The following SEPTIN9 variants were observed in gnomAD, a reference collection of about 807,000 sequenced individuals.
SEPTIN9 encodes the protein septin-9.
SEPTIN9 carries 13 observed loss-of-function variants against 56.6 expected under a neutral mutation model. The ratio of observed to expected loss-of-function variants is 0.23; its 90% CI spans 0.15 to 0.37. SEPTIN9 has a LOEUF of 0.37. Ranked by LOEUF, SEPTIN9 falls within the 10% of genes least tolerant of loss-of-function variation. SEPTIN9 has a pLI of 1.00. For synonymous variants in SEPTIN9, 332 were observed against 334.1 expected (o/e 0.99, Z 0.07); for missense variants, 650 against 823.1 (o/e 0.79, Z 2.57).
At chr17:77,290,178 A>G (rs1171927330) in intron 1 of SEPTIN9, among the ~76,000 whole-genome samples, 1 of 151,962 alleles carries the variant, frequency 6.6e-6, no homozygotes, top group African/African-American at 2.4e-5. Flanking sequence ...AAGATGTTAC[A>G]GTAGCCATGC....
chr17:77,377,295 C>T (rs2034966491), intron 2 of SEPTIN9: 1 of 152,210 alleles, frequency 6.6e-6, no homozygotes, highest in African/African-American at 2.4e-5. Context: ...TCCTCTTTCT[C>T]CCTTCTGGTT....
intron 3 of SEPTIN9, among the ~76,000 whole-genome samples, chr17:77,440,341 G>A (rs2037500546): frequency 6.6e-6 from 1 of 152,074 alleles, no homozygotes; most frequent in Non-Finnish European, 1.5e-5. Context: ...TTTTAGTAGA[G>A]ATGGGGTTTC....
At chr17:77,307,566 G>A (rs547412294) in intron 2 of SEPTIN9, among the ~76,000 whole-genome samples, 2 of 152,314 alleles carry the variant, frequency 1.3e-5, no homozygotes, top group African/African-American at 4.8e-5. Flanking sequence ...GCCTCTCGGT[G>A]TTGGTTCAGT....
At chr17:77,473,145 C>T (rs1353235779) in intron 3 of SEPTIN9, among the ~76,000 whole-genome samples, 1 of 152,248 alleles carries the variant, frequency 6.6e-6, no homozygotes, top group Admixed American at 6.5e-5. Flanking sequence ...TTGAGAGCTT[C>T]CTCCTGCCGG....
chr17:77,385,060 A>G (rs190601774), intron 2 of SEPTIN9, among the ~76,000 whole-genome samples: 53 of 152,118 alleles, frequency 3.5e-4, no homozygotes, highest in Admixed American at 1.2e-3. Flanking sequence ...TTTAAAGTTC[A>G]TGGGCTCGTG....
intron 2 of SEPTIN9, chr17:77,320,494 C>T (rs772409509): frequency 3.9e-6 from 3 of 762,202 alleles, no homozygotes; most frequent in African/African-American, 1.7e-5. Flanking sequence ...GTTCCAAGCT[C>T]GTGGGATGAA....
At chr17:77,420,350 A>G (rs1319577169) in intron 3 of SEPTIN9, among the ~76,000 whole-genome samples, 5 of 152,150 alleles carry the variant, frequency 3.3e-5, no homozygotes, top group African/African-American at 1.2e-4. Flanking sequence ...GTGCTTCTGC[A>G]TGTGTCTTCT....
At chr17:77,291,850 G>A (rs1246348806) in intron 1 of SEPTIN9, among the ~76,000 whole-genome samples, 8 of 152,158 alleles carry the variant, frequency 5.3e-5, no homozygotes, top group Non-Finnish European at 7.3e-5. Context: ...AAAAGATTGC[G>A]CATGATGAGT....
intron 2 of SEPTIN9, among the ~76,000 whole-genome samples, chr17:77,315,780 T>C (rs2032681327): frequency 6.6e-6 from 1 of 152,138 alleles, no homozygotes; most frequent in African/African-American, 2.4e-5. Flanking sequence ...CACTTTGCAA[T>C]TAAGAGGAGC....
chr17:77,459,416 G>T (rs1374394386), intron 3 of SEPTIN9, among the ~76,000 whole-genome samples: 1 of 152,214 alleles, frequency 6.6e-6, no homozygotes, highest in Non-Finnish European at 1.5e-5. Flanking sequence ...TGCGGCTGTG[G>T]TTAAGACCCG....
chr17:77,498,696 T>A lies in SEPTIN9; in HGVS notation c.*38T>A. 8.2e-7 allele frequency: 1 copy of A among 1,215,488 alleles called. No individual in the cohort carries two copies. The highest frequency in any genetic ancestry group is 1.1e-6 in the Non-Finnish European group (1 of 910,290). The allele number at this position is 1,215,488 out of a possible 1,614,324, so 75.3% of individuals were successfully genotyped here. On this transcript the variant is annotated 3_prime_UTR_variant, in exon 12 of 12. Transcript: ENST00000427177. ...CCACCCCCGGGATCCTGCCCCCAAG[T>A]CATTTCCGTCCCCCCCCAGGCCCTC...
intron 2 of SEPTIN9, among the ~76,000 whole-genome samples, chr17:77,332,904 T>G (rs944004116): frequency 6.6e-6 from 1 of 152,240 alleles, no homozygotes; most frequent in Non-Finnish European, 1.5e-5. Context: ...ATCTGGAGGC[T>G]CTTATGAGTA....
Position 77,400,951 on chromosome 17 carries a change from G to C in SEPTIN9, c.77-1108G>C, listed in dbSNP as rs1490594717. On this transcript the variant is annotated intron_variant, in intron 2 of 11. Transcript: ENST00000427177. The surrounding 1 kb of genome is among the most constrained non-coding windows in gnomAD (Gnocchi z 4.1). Reference sequence around the variant, plus strand: ...CCGAGGGAGCAGACCCTGGTGGAGAGGCAGGATGGCTGCAGGGCGGGAGCT... The same window carrying C: ...CCGAGGGAGCAGACCCTGGTGGAGACGCAGGATGGCTGCAGGGCGGGAGCT... 6.6e-6 allele frequency among the ~76,000 whole-genome samples: 1 copy of C among 152,186 alleles called. No homozygotes were observed. Among genetic ancestry groups the C allele is most frequent in the Non-Finnish European group, 1.5e-5 (1 of 68,032 alleles).
chr17:77,377,522 GGACC>G (rs2034975515), intron 2 of SEPTIN9, among the ~76,000 whole-genome samples: 2 of 151,942 alleles, frequency 1.3e-5, no homozygotes, highest in Non-Finnish European at 2.9e-5. Flanking sequence ...ATCTGGCCCA[GGACC>G]CACGTGCTCA....
At chr17:77,398,305 G>A (rs1320219401) in intron 2 of SEPTIN9, among the ~76,000 whole-genome samples, 2 of 152,182 alleles carry the variant, frequency 1.3e-5, no homozygotes, top group Non-Finnish European at 2.9e-5. Flanking sequence ...CCTGAGGCCT[G>A]GTGAAGGCAT....
Position 77,487,570 on chromosome 17 carries a change from G to A in SEPTIN9, c.1042+18G>A. 6.2e-7 allele frequency: 1 copy of A among 1,611,694 alleles called. No individual in the cohort carries two copies. The highest frequency in any genetic ancestry group is 8.5e-7 in the Non-Finnish European group (1 of 1,179,492). The stretch of plus-strand genomic sequence containing the variant: ...CACGCACGGTCAGTGGCCGGGAGTG[G>A]GCTGGGGGTGCAGGACGCCCCTGCC... On this transcript the variant is annotated intron_variant, in intron 5 of 11. Coordinates refer to ENST00000427177, the MANE Select transcript of SEPTIN9 (RefSeq NM_001113491.2). The surrounding 1 kb of genome is among the most constrained non-coding windows in gnomAD (Gnocchi z 4.3).
intron 3 of SEPTIN9, among the ~76,000 whole-genome samples, chr17:77,415,665 G>T (rs2036479550): frequency 6.6e-6 from 1 of 150,746 alleles, no homozygotes. Context: ...GAAATCTCCA[G>T]TGCTGCCCTG....
At chr17:77,489,468 T>A (rs2039935558) in intron 7 of SEPTIN9, among the ~76,000 whole-genome samples, 1 of 152,078 alleles carries the variant, frequency 6.6e-6, no homozygotes, top group African/African-American at 2.4e-5. Context: ...TGTCCTCAGC[T>A]CCCTGTGCAC....
At chr17:77,393,258 C>T (rs2035602715) in intron 2 of SEPTIN9, among the ~76,000 whole-genome samples, 1 of 152,200 alleles carries the variant, frequency 6.6e-6, no homozygotes, top group Non-Finnish European at 1.5e-5. Flanking sequence ...GACCGTGCCC[C>T]CAGCCTTGTC....
Sources: allele counts gnomAD v4.1 joint callset (sites outside exome capture counted in the v4.1 genomes callset), GRCh38; gene constraint gnomAD v4.1.1; non-coding constraint Gnocchi (gnomAD v3.1); transcripts MANE v1.5; gene names NCBI Gene and HGNC (gene_info 2026-07-23, HGNC 2026-07-21).